RAB38: variants seen among roughly 807,000 people sequenced by gnomAD.
The protein encoded by RAB38 is RAB38, member RAS oncogene family, also known as ras-related protein Rab-38.
Under a neutral mutation model 18.4 loss-of-function variants are expected in RAB38, and 15 were observed. The observed-to-expected ratio is 0.82, with a 90% CI of 0.55 to 1.26. RAB38 has a LOEUF of 1.26. Ranked by LOEUF, RAB38 falls within the 50% of genes most tolerant of loss-of-function variation. The probability of loss-of-function intolerance (pLI) is 0.00; values close to 1 mark genes in which losing one functional copy is unlikely to be tolerated. For synonymous variants in RAB38, 101 were observed against 104.4 expected, an observed-to-expected ratio of 0.97 and a Z score of 0.20; for missense variants, 294 against 267.4, an observed-to-expected ratio of 1.10 and a Z score of -0.69.
chr11:88,013,910 A>G, the RAB38 span, among the ~76,000 whole-genome samples: 1 of 152,166 alleles, frequency 6.6e-6, no homozygotes, highest in Non-Finnish European at 1.5e-5. Flanking sequence ...ATATTGCTAC[A>G]TAGTTCCTGC....
the RAB38 span, among the ~76,000 whole-genome samples, chr11:88,076,494 A>G: frequency 6.6e-6 from 1 of 152,198 alleles, no homozygotes; most frequent in East Asian, 1.9e-4. Context: ...CTATGTTCAC[A>G]GATGACATGA....
the RAB38 span, among the ~76,000 whole-genome samples, chr11:88,052,691 C>T: frequency 1.7e-4 from 26 of 151,408 alleles, no homozygotes; most frequent in Non-Finnish European, 2.9e-5. Flanking sequence ...ATGCTCCTGG[C>T]AGTTTCCCTC....
At chr11:87,977,185 AAATAT>A in the RAB38 span, among the ~76,000 whole-genome samples, 130 of 95,998 alleles carry the variant, frequency 1.4e-3, 35 homozygotes, top group African/African-American at 3.3e-3. Context: ...GTATATTATA[AAATAT>A]AATTATATTA....
the RAB38 span, among the ~76,000 whole-genome samples, chr11:87,925,838 C>G: frequency 4.6e-5 from 7 of 151,866 alleles, no homozygotes; most frequent in Non-Finnish European, 7.4e-5. Context: ...AACTATAAAG[C>G]CTTTGTCTAT....
the RAB38 span, among the ~76,000 whole-genome samples, chr11:87,841,804 G>A: frequency 1.3e-5 from 2 of 152,182 alleles, no homozygotes; most frequent in South Asian, 4.1e-4. Context: ...AAGACAAGAA[G>A]TATAAACCAG....
At chr11:87,972,103 G>C in the RAB38 span, among the ~76,000 whole-genome samples, 1 of 152,002 alleles carries the variant, frequency 6.6e-6, no homozygotes, top group Non-Finnish European at 1.5e-5. Context: ...GCATTACAGA[G>C]TGCCATGGAA....
At chr11:88,172,025 A>C (rs930345712) in intron 1 of RAB38, among the ~76,000 whole-genome samples, 1 of 152,246 alleles carries the variant, frequency 6.6e-6, no homozygotes, top group African/African-American at 2.4e-5. Context: ...CTACTAATGA[A>C]ACAACACCTT....
chr11:88,005,779 T>C, the RAB38 span, among the ~76,000 whole-genome samples: 2 of 151,570 alleles, frequency 1.3e-5, no homozygotes, highest in East Asian at 3.9e-4. Context: ...TTTCTGTATA[T>C]GGTGAGAGAT....
chr11:88,116,510 G>C (rs1043268253), intron 2 of RAB38, among the ~76,000 whole-genome samples: 3 of 152,160 alleles, frequency 2.0e-5, no homozygotes, highest in Non-Finnish European at 2.9e-5. Context: ...GGGTTAAAAG[G>C]CTTCCCCAGA....
chr11:88,111,122 C>G (rs1456798981), downstream of RAB38, among the ~76,000 whole-genome samples: 1 of 152,204 alleles, frequency 6.6e-6, no homozygotes, highest in Non-Finnish European at 1.5e-5. Flanking sequence ...CTTCCCTTGA[C>G]CAAACTGCTT....
At chr11:88,136,788 C>T (rs550316281) in intron 2 of RAB38, among the ~76,000 whole-genome samples, 1 of 152,298 alleles carries the variant, frequency 6.6e-6, no homozygotes, top group African/African-American at 2.4e-5. Flanking sequence ...AAGCTCAACA[C>T]TTACACAGTA....
chr11:88,052,909 TATATATATATATATATATATATA>T, the RAB38 span, among the ~76,000 whole-genome samples: 1 of 17,362 alleles, frequency 5.8e-5, no homozygotes, highest in African/African-American at 3.1e-4. Flanking sequence ...TTCATATATA[TATATATATATATATATATATATA>T]TATATATATA....
At chr11:87,904,649 ATT>A in the RAB38 span, among the ~76,000 whole-genome samples, 1 of 151,714 alleles carries the variant, frequency 6.6e-6, no homozygotes, top group Admixed American at 6.6e-5. Context: ...TTCTTTGAGA[ATT>A]CTCCAAACTG....
chr11:87,923,961 GAA>G, the RAB38 span, among the ~76,000 whole-genome samples: 1,493 of 135,032 alleles, frequency 0.011, 11 homozygotes, highest in African/African-American at 0.023. Flanking sequence ...AGAGAAAATT[GAA>G]AAAAAAAAAA....
the RAB38 span, among the ~76,000 whole-genome samples, chr11:87,977,644 T>C: frequency 1.7e-5 from 2 of 118,710 alleles, no homozygotes; most frequent in Non-Finnish European, 3.2e-5. Flanking sequence ...TATAATTATA[T>C]AAATTATACA....
At chr11:87,838,510 G>C in the RAB38 span, among the ~76,000 whole-genome samples, 87 of 152,162 alleles carry the variant, frequency 5.7e-4, 1 homozygote, top group Admixed American at 5.7e-3. Flanking sequence ...TCTTTCTCCA[G>C]TTGGTATTGA....
At chr11:88,013,745 T>G in the RAB38 span, among the ~76,000 whole-genome samples, 1 of 152,166 alleles carries the variant, frequency 6.6e-6, no homozygotes, top group African/African-American at 2.4e-5. Flanking sequence ...TATGGTTTAC[T>G]AATGAAAGCT....
chr11:87,941,704 C>CAGG, the RAB38 span, among the ~76,000 whole-genome samples: 3 of 152,072 alleles, frequency 2.0e-5, no homozygotes, highest in Non-Finnish European at 2.9e-5. Flanking sequence ...ATGAGATTAA[C>CAGG]AGGGAAGATT....
At chr11:88,058,194 C>A in the RAB38 span, among the ~76,000 whole-genome samples, 1 of 152,108 alleles carries the variant, frequency 6.6e-6, no homozygotes, top group Admixed American at 6.5e-5. Context: ...ATTAACAATA[C>A]CTCCAAGAGC....
Sources: gnomAD v4.1 joint callset for allele counts (sites outside exome capture counted in the v4.1 genomes callset) on GRCh38, gnomAD v4.1.1 for gene constraint, MANE v1.5 for transcripts, NCBI Gene and HGNC (gene_info 2026-07-23, HGNC 2026-07-21) for gene names.